The following AKAP7 variants were observed in gnomAD, a reference collection of about 807,000 sequenced individuals.
The protein encoded by AKAP7 is A-kinase anchoring protein 7.
A neutral mutation model predicts 39.5 loss-of-function variants in AKAP7; 39 were observed. That is an observed-to-expected ratio of 0.99 (90% CI 0.76 to 1.29). The LOEUF (loss-of-function observed/expected upper bound fraction) is 1.29, where lower values mean the gene tolerates loss of function less well. AKAP7 is among the 50% of genes most tolerant of loss of function. The pLI is 0.00. For missense variants in AKAP7, 414 were observed against 407.7 expected (o/e 1.02, Z -0.13); for synonymous variants, 140 against 139.1 (o/e 1.01, Z -0.05).
intron 6 of AKAP7, among the ~76,000 whole-genome samples, chr6:131,218,230 A>G (rs1809366515): frequency 6.6e-6 from 1 of 152,180 alleles, no homozygotes; most frequent in Non-Finnish European, 1.5e-5. Flanking sequence ...ATCAACCTAA[A>G]TGTCCAACAG....
At chr6:131,191,845 G>GGT (rs1554208816) in intron 5 of AKAP7, among the ~76,000 whole-genome samples, 1 of 135,380 alleles carries the variant, frequency 7.4e-6, no homozygotes, top group Admixed American at 7.4e-5. Flanking sequence ...TCCTCGTGGT[G>GGT]TTTTTTTTTT....
At chr6:131,159,666 C>G (rs1443233405) in intron 2 of AKAP7, among the ~76,000 whole-genome samples, 1 of 152,172 alleles carries the variant, frequency 6.6e-6, no homozygotes, top group African/African-American at 2.4e-5. Context: ...ACAAACATAC[C>G]TATACAGGAT....
At chr6:131,233,400 C>G (rs1810791803) in intron 7 of AKAP7, among the ~76,000 whole-genome samples, 1 of 152,110 alleles carries the variant, frequency 6.6e-6, no homozygotes, top group African/African-American at 2.4e-5. Flanking sequence ...ACTCAAAGCC[C>G]AGTTACCCCA....
chr6:131,167,687 G>A (rs955544876), intron 4 of AKAP7, among the ~76,000 whole-genome samples: 22 of 151,892 alleles, frequency 1.4e-4, no homozygotes, highest in African/African-American at 4.1e-4. Context: ...TTTCCAAAGC[G>A]AAATGACAAA....
At chr6:131,251,387 C>A (rs1812435167) in intron 7 of AKAP7, among the ~76,000 whole-genome samples, 1 of 152,160 alleles carries the variant, frequency 6.6e-6, no homozygotes, top group Non-Finnish European at 1.5e-5. Context: ...TTTTTACTTC[C>A]TTTTCAATAT....
intron 6 of AKAP7, among the ~76,000 whole-genome samples, chr6:131,216,376 G>A (rs747488554): frequency 6.6e-6 from 1 of 152,206 alleles, no homozygotes; most frequent in Non-Finnish European, 1.5e-5. Flanking sequence ...GATATGGTGA[G>A]TGCCTCCTGA....
intron 1 of AKAP7, among the ~76,000 whole-genome samples, chr6:131,141,899 CTTTTT>C (rs773131426): frequency 1.1e-4 from 13 of 116,184 alleles, no homozygotes; most frequent in African/African-American, 1.9e-4. Context: ...TTCTTTCTTT[CTTTTT>C]TTTTTTTTTT....
chr6:131,152,870 G>A (rs1287419393), intron 2 of AKAP7, among the ~76,000 whole-genome samples: 4 of 145,802 alleles, frequency 2.7e-5, no homozygotes, highest in Admixed American at 6.9e-5. Flanking sequence ...GGCTCACGCC[G>A]GTAATCCCAG....
At chr6:131,130,368 C>T in the AKAP7 span, among the ~76,000 whole-genome samples, 1 of 152,190 alleles carries the variant, frequency 6.6e-6, no homozygotes, top group African/African-American at 2.4e-5. Context: ...TGGCTCACTG[C>T]ACCTCTGCAA....
chr6:131,232,987 A>G (rs974679951), intron 7 of AKAP7, among the ~76,000 whole-genome samples: 16 of 151,374 alleles, frequency 1.1e-4, no homozygotes, highest in Admixed American at 9.9e-4. Flanking sequence ...TGTGATCAAC[A>G]CTGGTGCATT....
In AKAP7 at chr6:131,266,704, TGTTG is replaced by T. The variant is rs760149094; in HGVS notation, c.851-14825_851-14822del. Among the ~76,000 whole-genome samples, 6 of 149,914 alleles carry T rather than the reference TGTTG, an allele frequency of 4.0e-5. No homozygotes were observed. In the South Asian group the frequency reaches 6.3e-4, roughly 16 times the overall value. Reference sequence around the variant, plus strand: ...GGGTTTTTGTTGTTGTTGTTGTTGTTGTTGTTTTTTAACGGTGTGCTCTGTCTCT... The same window carrying T: ...GGGTTTTTGTTGTTGTTGTTGTTGTTTTTTTTAACGGTGTGCTCTGTCTCT... On this transcript the variant is annotated intron_variant, in intron 7 of 7. Coordinates refer to ENST00000431975, the MANE Select transcript of AKAP7 (RefSeq NM_016377.4).
At chr6:131,143,907 G>GGCCTTCC (rs1801265073) in intron 1 of AKAP7, among the ~76,000 whole-genome samples, 1 of 139,518 alleles carries the variant, frequency 7.2e-6, no homozygotes, top group Non-Finnish European at 1.5e-5. Flanking sequence ...AGGACCCTGC[G>GGCCTTCC]GCCTTCCGAA....
intron 2 of AKAP7, among the ~76,000 whole-genome samples, chr6:131,149,128 G>T (rs998574272): frequency 6.6e-5 from 10 of 152,236 alleles, no homozygotes; most frequent in Admixed American, 4.6e-4. Flanking sequence ...CAGTGCGAAT[G>T]TGGTATCTTG....
chr6:131,185,182 G>C (rs1585038329), intron 5 of AKAP7: 1 of 507,640 alleles, frequency 2.0e-6, no homozygotes, highest in East Asian at 4.5e-5. Context: ...TTCAGGGTGG[G>C]GTCTGTGTCT....
intron 4 of AKAP7, among the ~76,000 whole-genome samples, chr6:131,166,108 AGTTAT>A: frequency 6.6e-6 from 1 of 152,330 alleles, no homozygotes; most frequent in African/African-American, 2.4e-5. Flanking sequence ...TGATTATTGT[AGTTAT>A]GTCTTTTAAA....
At chr6:131,147,822 A>G (rs1207041703) in intron 2 of AKAP7, among the ~76,000 whole-genome samples, 2 of 152,336 alleles carry the variant, frequency 1.3e-5, no homozygotes, top group Middle Eastern at 3.4e-3. Flanking sequence ...ACAAGGGATG[A>G]GTCTGTTCAT....
chr6:131,128,887 T>C, the AKAP7 span, among the ~76,000 whole-genome samples: 3 of 150,090 alleles, frequency 2.0e-5, no homozygotes, highest in African/African-American at 7.4e-5. Context: ...GTACTTATCA[T>C]AGAATTATTT....
intron 7 of AKAP7, among the ~76,000 whole-genome samples, chr6:131,238,918 A>G (rs891282834): frequency 2.0e-5 from 3 of 152,122 alleles, no homozygotes; most frequent in African/African-American, 7.2e-5. Context: ...TTTAAGGTTA[A>G]TATTGTTATG....
At chr6:131,130,641 G>C (rs1270617516), upstream of AKAP7, among the ~76,000 whole-genome samples, 2 of 152,168 alleles carry the variant, frequency 1.3e-5, no homozygotes, top group East Asian at 3.9e-4. Context: ...TGAAGACTGG[G>C]AGAATCCACT....
Sources: gnomAD v4.1 joint callset for allele counts (sites outside exome capture counted in the v4.1 genomes callset) on GRCh38, gnomAD v4.1.1 for gene constraint, MANE v1.5 for transcripts, NCBI Gene and HGNC (gene_info 2026-07-23, HGNC 2026-07-21) for gene names.